Variants in SUPT3H observed in about 807,000 individuals in gnomAD.
SUPT3H encodes transcription initiation protein SPT3 homolog.
In SUPT3H, 44 loss-of-function variants were observed where a neutral mutation model predicts 44.3. The ratio of observed to expected loss-of-function variants is 0.99; its 90% CI spans 0.78 to 1.28. SUPT3H has a LOEUF of 1.28. Among genes scored for constraint, SUPT3H ranks in the 50% most tolerant of loss-of-function variants. SUPT3H has a pLI of 0.00. For missense variants in SUPT3H, 380 were observed against 387.1 expected (o/e 0.98, Z 0.15); for synonymous variants, 124 against 125.6 (o/e 0.99, Z 0.09).
chr6:45,376,015 A>G (rs894754711), intron 1 of SUPT3H, among the ~76,000 whole-genome samples: 2 of 152,248 alleles, frequency 1.3e-5, no homozygotes, highest in African/African-American at 2.4e-5. Context: ...AAAAACTTGA[A>G]TAAGAGCTGG....
chr6:45,127,621 T>C (rs928865125), intron 2 of SUPT3H, among the ~76,000 whole-genome samples: 1 of 152,206 alleles, frequency 6.6e-6, no homozygotes, highest in Admixed American at 6.5e-5. Flanking sequence ...TTTCTTCATG[T>C]AGCTAGGAGT....
At chr6:45,350,107 A>G (rs983045431) in intron 2 of SUPT3H, among the ~76,000 whole-genome samples, 2 of 152,220 alleles carry the variant, frequency 1.3e-5, no homozygotes, top group African/African-American at 2.4e-5. Flanking sequence ...AGTTTACTAC[A>G]AAAACAAAAG....
chr6:44,993,954 T>C (rs754787104), intron 6 of SUPT3H, among the ~76,000 whole-genome samples: 4 of 152,144 alleles, frequency 2.6e-5, no homozygotes, highest in Admixed American at 6.6e-5. Context: ...CCTGCCTAAA[T>C]GTCTTAAAGA....
intron 2 of SUPT3H, among the ~76,000 whole-genome samples, chr6:45,187,987 T>C (rs1395148864): frequency 6.6e-6 from 1 of 152,196 alleles, no homozygotes; most frequent in Non-Finnish European, 1.5e-5. Context: ...CCATTCTGGG[T>C]AGCATGATGA....
At chr6:45,101,410 A>C (rs1410767925) in intron 3 of SUPT3H, among the ~76,000 whole-genome samples, 1 of 152,224 alleles carries the variant, frequency 6.6e-6, no homozygotes, top group Non-Finnish European at 1.5e-5. Context: ...GGGCAACAAG[A>C]GCGAAACTCC....
At chr6:45,023,370 G>A (rs1785460039) in intron 3 of SUPT3H, among the ~76,000 whole-genome samples, 1 of 152,058 alleles carries the variant, frequency 6.6e-6, no homozygotes, top group Admixed American at 6.5e-5. Context: ...AAGCGGTATG[G>A]TGATTCCTCA....
chr6:45,300,813 G>A (rs944100078), intron 2 of SUPT3H, among the ~76,000 whole-genome samples: 2 of 104,784 alleles, frequency 1.9e-5, no homozygotes, highest in Admixed American at 1.1e-4. Context: ...TGGGTGTTAG[G>A]TCAAGTCCCT....
intron 2 of SUPT3H, among the ~76,000 whole-genome samples, chr6:45,231,084 C>T (rs1447264514): frequency 6.6e-6 from 1 of 152,068 alleles, no homozygotes; most frequent in African/African-American, 2.4e-5. Context: ...ATTCTTTGTT[C>T]CTTTCTTATT....
chr6:45,012,486 G>A lies in SUPT3H; in HGVS notation c.364+2315C>T, dbSNP rs78685799. ...TTCAGTAATTGTATTCTTGAACTCC[G>A]TAATTTCTATTTTTTAAAATAAATT... is the stretch of plus-strand genomic sequence containing the variant. On this transcript the variant is annotated intron_variant, in intron 5 of 10. Coordinates refer to ENST00000371459, the MANE Select transcript of SUPT3H (RefSeq NM_003599.4). Among the ~76,000 whole-genome samples the A allele has an allele frequency of 7.7e-3, 1,174 of 151,874 alleles. 10 individuals are homozygous for A. The highest frequency in any genetic ancestry group is 0.015 in the African/African-American group (613 of 41,458).
chr6:45,133,362 G>C (rs1166435480), intron 2 of SUPT3H, among the ~76,000 whole-genome samples: 5 of 152,128 alleles, frequency 3.3e-5, no homozygotes, highest in Non-Finnish European at 5.9e-5. Flanking sequence ...TTCAAATACA[G>C]AATATTCTGA....
chr6:44,893,231 T>C (rs922498091), intron 10 of SUPT3H, among the ~76,000 whole-genome samples: 1 of 152,208 alleles, frequency 6.6e-6, no homozygotes, highest in Non-Finnish European at 1.5e-5. Context: ...AAATGTATTT[T>C]TTTTAATTAT....
At chr6:45,314,138 TA>T (rs1469030478) in intron 2 of SUPT3H, among the ~76,000 whole-genome samples, 1 of 152,122 alleles carries the variant, frequency 6.6e-6, no homozygotes, top group African/African-American at 2.4e-5. Flanking sequence ...ACAAGGGACA[TA>T]CCTTAATGTA....
intron 11 of SUPT3H, among the ~76,000 whole-genome samples, chr6:44,818,115 A>G (rs1425451827): frequency 6.6e-6 from 1 of 152,184 alleles, no homozygotes; most frequent in African/African-American, 2.4e-5. Context: ...CAAATAGACT[A>G]ATGGAACAAA....
At chr6:45,208,723 C>CAA (rs34279438) in intron 2 of SUPT3H, among the ~76,000 whole-genome samples, 15 of 96,760 alleles carry the variant, frequency 1.6e-4, no homozygotes, top group African/African-American at 2.6e-4. Context: ...GACTCTGTCT[C>CAA]AAAAAAAAAA....
Position 45,221,290 on chromosome 6 carries a change from C to T in SUPT3H, c.102-115284G>A, listed in dbSNP as rs971228625. ...AATGTAAATGACGAGTTAATGGGTG[C>T]AGCAAACCAACATGGCACTTGTATA... On this transcript the variant is annotated intron_variant, in intron 2 of 10. Transcript: ENST00000371459. Among the ~76,000 whole-genome samples, 4 of 152,228 alleles carry T rather than the reference C, an allele frequency of 2.6e-5. No homozygotes were observed. The South Asian group carries it at 8.3e-4, about 32-fold the overall frequency.
At chr6:45,156,821 A>G (rs1807904653) in intron 2 of SUPT3H, among the ~76,000 whole-genome samples, 1 of 151,984 alleles carries the variant, frequency 6.6e-6, no homozygotes, top group African/African-American at 2.4e-5. Context: ...TAACTTCCAA[A>G]GCTAGTGTGA....
At chr6:44,837,004 G>A (rs891786945) in intron 10 of SUPT3H, among the ~76,000 whole-genome samples, 1 of 152,056 alleles carries the variant, frequency 6.6e-6, no homozygotes, top group African/African-American at 2.4e-5. Flanking sequence ...AACATTTTAG[G>A]TTCACATACT....
chr6:45,133,337 C>A (rs1055618937), intron 2 of SUPT3H, among the ~76,000 whole-genome samples: 7 of 152,146 alleles, frequency 4.6e-5, no homozygotes, highest in African/African-American at 1.7e-4. Context: ...TTTCCTTCCC[C>A]AGCAGAACTG....
At chr6:44,940,862 C>G (rs986870902) in intron 9 of SUPT3H, among the ~76,000 whole-genome samples, 4 of 152,064 alleles carry the variant, frequency 2.6e-5, no homozygotes, top group Non-Finnish European at 5.9e-5. Flanking sequence ...TCTGTGTTAT[C>G]TAAGTATCAC....
Sources: allele counts gnomAD v4.1 joint callset (sites outside exome capture counted in the v4.1 genomes callset), GRCh38; gene constraint gnomAD v4.1.1; transcripts MANE v1.5; gene names NCBI Gene and HGNC (gene_info 2026-07-23, HGNC 2026-07-21).